Variants in OPRM1 observed in about 807,000 individuals in gnomAD.
The protein encoded by OPRM1 is opioid receptor mu 1, also known as mu-type opioid receptor.
In OPRM1, 27 loss-of-function variants were observed where a neutral mutation model predicts 31.8. That is an observed-to-expected ratio of 0.85 (90% CI 0.63 to 1.17). The LOEUF (loss-of-function observed/expected upper bound fraction) is 1.17. OPRM1 is among the 50% of genes most tolerant of loss of function. The probability of loss-of-function intolerance (pLI) is 0.00; values close to 1 mark genes in which losing one functional copy is unlikely to be tolerated. For missense variants in OPRM1, 536 were observed against 511.1 expected (o/e 1.05, Z -0.47); for synonymous variants, 196 against 189.9 (o/e 1.03, Z -0.26).
chr6:154,089,809 CT>C lies in OPRM1; in HGVS notation c.291-15del, dbSNP rs764849246. ...GTGTCTTTTACTGATTCTCACTCTTCTTCCTTTATCTCCTAGATACACCAAG... is the reference window on the plus strand; with the variant it reads ...GTGTCTTTTACTGATTCTCACTCTTCTCCTTTATCTCCTAGATACACCAAG... On this transcript the variant is annotated splice_polypyrimidine_tract_variant and intron_variant, in intron 1 of 3. Coordinates refer to ENST00000330432, the MANE Select transcript of OPRM1 (RefSeq NM_000914.5). 4.7e-5 allele frequency: 74 copies of C among 1,564,808 alleles called. No homozygotes were observed. The highest frequency in any genetic ancestry group is 1.0e-4 in the Admixed American group (6 of 58,412).
At position 154,153,404 on chromosome 6, in the gene OPRM1, C is replaced by G. The variant is rs562651351; in HGVS notation, c.1164+61932C>G. ...ACAAGGTTGCTTAAAAGAGCCCCGG[C>G]CAGGACCGGTGGCTTACGCCTGTAA... On this transcript the variant is annotated intron_variant, in intron 3 of 3. Coordinates refer to the OPRM1 transcript ENST00000337049. Among the ~76,000 whole-genome samples the G allele has an allele frequency of 5.8e-4, 88 of 152,308 alleles. 1 individual carries two copies. Among genetic ancestry groups the G allele is most frequent in the African/African-American group, 2.0e-3 (85 of 41,572 alleles).
chr6:154,204,134 A>G (rs1164185654), intron 3 of OPRM1, among the ~76,000 whole-genome samples: 1 of 152,240 alleles, frequency 6.6e-6, no homozygotes, highest in Non-Finnish European at 1.5e-5. Context: ...CTATGATATG[A>G]TTACATTAAA....
chr6:154,190,690 A>G (rs917885208), intron 3 of OPRM1, among the ~76,000 whole-genome samples: 1 of 152,242 alleles, frequency 6.6e-6, no homozygotes, highest in Non-Finnish European at 1.5e-5. Context: ...ACTTGCATCC[A>G]TGCAATAATC....
intron 1 of OPRM1, among the ~76,000 whole-genome samples, chr6:154,050,800 G>T (rs565714811): frequency 6.6e-6 from 1 of 152,210 alleles, no homozygotes; most frequent in South Asian, 2.1e-4. Flanking sequence ...TGCTTGAGGG[G>T]ATGGATACCT....
At chr6:154,226,091 T>C (rs1024043814) in intron 3 of OPRM1, among the ~76,000 whole-genome samples, 1 of 152,208 alleles carries the variant, frequency 6.6e-6, no homozygotes, top group Non-Finnish European at 1.5e-5. Flanking sequence ...CTCCTGTCTG[T>C]TTCTTAAATG....
intron 3 of OPRM1, among the ~76,000 whole-genome samples, chr6:154,210,401 T>G (rs747848057): frequency 6.6e-6 from 1 of 152,078 alleles, no homozygotes; most frequent in African/African-American, 2.4e-5. Context: ...CAGGTTAAAA[T>G]AGGAGAGAGA....
chr6:154,181,434 C>T (rs1800859235), intron 3 of OPRM1, among the ~76,000 whole-genome samples: 2 of 152,150 alleles, frequency 1.3e-5, no homozygotes, highest in Admixed American at 1.3e-4. Flanking sequence ...AGAGACAAAC[C>T]TAGGTTGTGA....
Position 154,089,965 on chromosome 6 carries a change from A to G in OPRM1, c.430A>G (p.Ile144Val). 6.2e-7 allele frequency: 1 copy of G among 1,614,126 alleles called. No homozygotes were observed. Among genetic ancestry groups the G allele is most frequent in the Non-Finnish European group, 8.5e-7 (1 of 1,179,980 alleles). ...TWPFGTILCK[I>V]VISIDYYNMF... ...GCCATTTGGAACCATCCTTTGCAAG[A>G]TAGTGATCTCCATAGATTACTATAA... The change falls in exon 2 of 4, where the codon ATA becomes GTA. Residue 144 changes from isoleucine (I) to valine (V), a missense_variant. Transcript: ENST00000330432.
upstream of OPRM1, among the ~76,000 whole-genome samples, chr6:154,034,584 A>C (rs910004193): frequency 6.6e-6 from 1 of 152,036 alleles, no homozygotes; most frequent in African/African-American, 2.4e-5. Flanking sequence ...TATAATGATA[A>C]AGAAATGTTT....
rs542946819 is a variant in OPRM1 at position 154,109,258 on chromosome 6, T to C, written c.1165-9425T>C. 4.6e-5 allele frequency among the ~76,000 whole-genome samples: 7 copies of C among 152,322 alleles called. No individual in the cohort carries two copies. In the East Asian group the frequency reaches 1.3e-3, roughly 29 times the overall value. On this transcript the variant is annotated intron_variant, in intron 3 of 3. Transcript: ENST00000330432. Reference sequence around the variant, plus strand: ...TGCTTAAAGCAATGTGAATAGGGAATTGGACTCAACCAACATAGCCCGACT... The same window carrying C: ...TGCTTAAAGCAATGTGAATAGGGAACTGGACTCAACCAACATAGCCCGACT...
chr6:154,190,005 TA>T (rs1002541552), intron 3 of OPRM1, among the ~76,000 whole-genome samples: 1 of 152,056 alleles, frequency 6.6e-6, no homozygotes, highest in Non-Finnish European at 1.5e-5. Context: ...ATGTCAATTA[TA>T]GGTAAGAAAT....
chr6:154,195,272 C>T (rs985261249), intron 3 of OPRM1, among the ~76,000 whole-genome samples: 14 of 151,568 alleles, frequency 9.2e-5, no homozygotes, highest in African/African-American at 2.9e-4. Flanking sequence ...CTCAGCCTCC[C>T]GAGTAGGTGG....
intron 3 of OPRM1, among the ~76,000 whole-genome samples, chr6:154,183,950 G>GA (rs1801118089): frequency 6.6e-6 from 1 of 150,858 alleles, no homozygotes; most frequent in East Asian, 1.9e-4. Flanking sequence ...AACAGGAAAA[G>GA]AAAAAAATTG....
intron 1 of OPRM1, among the ~76,000 whole-genome samples, chr6:154,024,663 T>C (rs1343879251): frequency 4.0e-5 from 6 of 151,654 alleles, no homozygotes; most frequent in Non-Finnish European, 7.4e-5. Flanking sequence ...TTTTTTTTAA[T>C]GTAGGCACTT....
intron 3 of OPRM1, among the ~76,000 whole-genome samples, chr6:154,226,319 G>A (rs1779247210): frequency 6.6e-6 from 1 of 152,140 alleles, no homozygotes; most frequent in Admixed American, 6.5e-5. Flanking sequence ...CAACTGCCTA[G>A]TAAGCCTATT....
intron 1 of OPRM1, among the ~76,000 whole-genome samples, chr6:154,088,664 G>T (rs916370450): frequency 6.6e-6 from 1 of 152,096 alleles, no homozygotes; most frequent in Non-Finnish European, 1.5e-5. Flanking sequence ...TTATCAAATT[G>T]TATACTTTAA....
intron 3 of OPRM1, among the ~76,000 whole-genome samples, chr6:154,201,000 T>G (rs556768436): frequency 2.0e-5 from 3 of 152,180 alleles, no homozygotes; most frequent in East Asian, 3.9e-4. Context: ...GTTCTCATGA[T>G]AGTGAGTGAG....
chr6:154,202,922 G>A (rs1472386813), intron 3 of OPRM1, among the ~76,000 whole-genome samples: 1 of 152,148 alleles, frequency 6.6e-6, no homozygotes, highest in Non-Finnish European at 1.5e-5. Context: ...ATGAGAAAGT[G>A]ACTACATATT....
chr6:154,154,171 C>T (rs1014995516), intron 3 of OPRM1, among the ~76,000 whole-genome samples: 1 of 152,164 alleles, frequency 6.6e-6, no homozygotes, highest in Non-Finnish European at 1.5e-5. Context: ...TGAATCAGTT[C>T]AAATGCAGGC....
Sources: gnomAD v4.1 joint callset for allele counts (sites outside exome capture counted in the v4.1 genomes callset) on GRCh38, gnomAD v4.1.1 for gene constraint, MANE v1.5 for transcripts, NCBI Gene and HGNC (gene_info 2026-07-23, HGNC 2026-07-21) for gene names.